Variants in TTL observed in about 807,000 individuals in gnomAD.
TTL encodes the protein tubulin--tyrosine ligase.
A neutral mutation model predicts 41.1 loss-of-function variants in TTL; 10 were observed. The observed-to-expected ratio is 0.24, with a 90% CI of 0.15 to 0.41. TTL has a LOEUF of 0.41. TTL is among the 10% of genes least tolerant of loss of function. The probability of loss-of-function intolerance (pLI) is 1.00; values close to 1 mark genes in which losing one functional copy is unlikely to be tolerated. For synonymous variants in TTL, 175 were observed against 175.5 expected, an observed-to-expected ratio of 1.00 and a Z score of 0.02; for missense variants, 367 against 460.4, an observed-to-expected ratio of 0.80 and a Z score of 1.86.
chr2:112,499,056 C>A (rs1020968758), intron 3 of TTL, among the ~76,000 whole-genome samples: 2 of 151,802 alleles, frequency 1.3e-5, no homozygotes, highest in South Asian at 2.1e-4. Context: ...CGGTGGCTCT[C>A]GGCTGAAATC....
chr2:112,509,655 G>T (rs1297775548), intron 5 of TTL, among the ~76,000 whole-genome samples: 1 of 152,182 alleles, frequency 6.6e-6, no homozygotes, highest in Non-Finnish European at 1.5e-5. Flanking sequence ...GTGAGGCAAT[G>T]CCTCGCCCTG....
In TTL at chr2:112,538,750, C is replaced by G. The variant is rs1189120565; in HGVS notation, c.*9955C>G. The G allele has an allele frequency of 6.6e-6, 1 of 151,946 alleles. No homozygotes were observed. Among genetic ancestry groups the G allele is most frequent in the African/African-American group, 2.4e-5 (1 of 41,332 alleles). 9.4% of individuals were successfully genotyped at this position (151,946 alleles called of 1,614,324 possible). A position where few individuals can be genotyped will look rare whatever the true frequency, so the allele number is the denominator to read the frequency against. On this transcript the variant is annotated 3_prime_UTR_variant, in exon 7 of 7. Transcript: ENST00000233336. ...CAGAGATCGCACAACTGCTCTCTGTCCTAGGTGACAGAGCAAGTCCTGTCT... is the reference window on the plus strand; with the variant it reads ...CAGAGATCGCACAACTGCTCTCTGTGCTAGGTGACAGAGCAAGTCCTGTCT...
chr2:112,531,893 A>C lies in TTL; in HGVS notation c.*3098A>C, dbSNP rs535869421. 3 of 222,372 alleles carry C rather than the reference A, an allele frequency of 1.3e-5. No homozygotes were observed. In the Admixed American group the frequency reaches 1.7e-4, roughly 13 times the overall value. The allele number at this position is 222,372 out of a possible 1,614,324, so 13.8% of individuals were successfully genotyped here. A position where few individuals can be genotyped will look rare whatever the true frequency, so the allele number is the denominator to read the frequency against. On this transcript the variant is annotated 3_prime_UTR_variant, in exon 7 of 7. Transcript: ENST00000233336. ...AAATGTAAACAGACACGAAATTATA[A>C]ATCTGCTAAATATGTATTAAGGGTA...
rs145725790 is a variant in TTL, at chr2:112,498,654, A to T, written c.470-2552A>T. 7.5e-3 allele frequency among the ~76,000 whole-genome samples: 1,145 copies of T among 152,280 alleles called. 14 individuals carry two copies. The highest frequency in any genetic ancestry group is 0.026 in the African/African-American group (1,079 of 41,562). ...CACGGTGGCTCACACTTGTAATCCC[A>T]GCACTTTGGGAGGCCAAGGCGGGTG... is the stretch of plus-strand genomic sequence containing the variant. On this transcript the variant is annotated intron_variant, in intron 3 of 6. Transcript: ENST00000233336.
At chr2:112,499,481 C>T (rs1681629005) in intron 3 of TTL, among the ~76,000 whole-genome samples, 1 of 152,128 alleles carries the variant, frequency 6.6e-6, no homozygotes, top group Non-Finnish European at 1.5e-5. Context: ...TGAACATCAA[C>T]ATAAGCTTCA....
intron 6 of TTL, among the ~76,000 whole-genome samples, chr2:112,527,883 A>G (rs1325188465): frequency 6.6e-6 from 1 of 152,188 alleles, no homozygotes; most frequent in Non-Finnish European, 1.5e-5. Context: ...TTTGCCCGTT[A>G]GTTGATGCAG....
At chr2:112,486,102 A>T (rs779276692) in intron 2 of TTL, 107 bp downstream of exon 2, 2 of 1,162,050 alleles carry the variant, frequency 1.7e-6, no homozygotes, top group Non-Finnish European at 2.5e-6. Flanking sequence ...AAAGCCAACA[A>T]ATATCAGTTC....
intron 5 of TTL, among the ~76,000 whole-genome samples, chr2:112,518,690 T>TC (rs1364081926): frequency 6.6e-6 from 1 of 151,232 alleles, no homozygotes; most frequent in East Asian, 1.9e-4. Flanking sequence ...TTTTTTTTTT[T>TC]TTGAGACAGA....
chr2:112,534,236 CG>C lies in TTL; in HGVS notation c.*5442del, dbSNP rs1429042087. ...TTGGGAGGCTGAGGCAGGAGAATGGCGTGAACCTAGGAGGCAGAGCTTGCAG... is the reference window on the plus strand; with the variant it reads ...TTGGGAGGCTGAGGCAGGAGAATGGCTGAACCTAGGAGGCAGAGCTTGCAG... On this transcript the variant is annotated 3_prime_UTR_variant, in exon 7 of 7. Transcript: ENST00000233336. 6.8e-6 allele frequency: 1 copy of C among 147,310 alleles called. No individual in the cohort carries two copies. Among genetic ancestry groups the C allele is most frequent in the East Asian group, 2.0e-4 (1 of 4,968 alleles). The allele number at this position is 147,310 out of a possible 1,614,324, so 9.1% of individuals were successfully genotyped here. A position where few individuals can be genotyped will look rare whatever the true frequency, so the allele number is the denominator to read the frequency against.
chr2:112,524,879 G>T (rs1239855973), intron 6 of TTL, among the ~76,000 whole-genome samples: 1 of 152,152 alleles, frequency 6.6e-6, no homozygotes, highest in Non-Finnish European at 1.5e-5. Context: ...CCTATGTCCT[G>T]AATGGTATTG....
intron 2 of TTL, among the ~76,000 whole-genome samples, chr2:112,492,942 T>C (rs1681429000): frequency 6.6e-6 from 1 of 152,154 alleles, no homozygotes; most frequent in African/African-American, 2.4e-5. Flanking sequence ...ATTCAGTTCC[T>C]GAGTCACACT....
rs976747721 is a variant in TTL at position 112,535,732 on chromosome 2, A to G, written c.*6937A>G. 2.8e-5 allele frequency: 1 copy of G among 35,324 alleles called. No homozygotes were observed. The highest frequency in any genetic ancestry group is 8.3e-5 in the African/African-American group (1 of 12,116). 2.2% of individuals were successfully genotyped at this position (35,324 alleles called of 1,614,324 possible). ...TAAATACTCCAATCAGAAGGTAGAG[A>G]TTGGCAAATTGATTTTTTTTAAAAA... On this transcript the variant is annotated 3_prime_UTR_variant, in exon 7 of 7. Coordinates refer to ENST00000233336, the MANE Select transcript of TTL (RefSeq NM_153712.5).
intron 1 of TTL, among the ~76,000 whole-genome samples, chr2:112,485,556 C>T (rs1486475373): frequency 7.9e-5 from 12 of 152,166 alleles, no homozygotes; most frequent in Admixed American, 2.6e-4. Flanking sequence ...CCTTATTGTA[C>T]AGAGTGACAA....
rs1349128140 is a variant in TTL at position 112,535,914 on chromosome 2, C to G, written c.*7119C>G. On this transcript the variant is annotated 3_prime_UTR_variant, in exon 7 of 7. Coordinates refer to ENST00000233336, the MANE Select transcript of TTL (RefSeq NM_153712.5). ...CAAACTTCTGGTTTCAAGTAATCTT[C>G]CCACCTTAGCCACCCAAGTAGCTGG... The G allele has an allele frequency of 6.6e-6, 1 of 152,170 alleles. No homozygotes were observed. The highest frequency in any genetic ancestry group is 1.9e-4 in the East Asian group (1 of 5,202). 9.4% of individuals were successfully genotyped at this position (152,170 alleles called of 1,614,324 possible).
intron 6 of TTL, among the ~76,000 whole-genome samples, chr2:112,523,342 G>A (rs1488462725): frequency 4.5e-5 from 2 of 44,278 alleles, no homozygotes; most frequent in African/African-American, 1.4e-4. Flanking sequence ...CTGTGGGTGT[G>A]TGTGTGTCTG....
intron 2 of TTL, 142 bp from the exon 3 acceptor site, chr2:112,494,001 A>C (rs1681460956): frequency 1.5e-6 from 1 of 651,352 alleles, no homozygotes. Context: ...TTGTCCAGGG[A>C]GACTAAGAGC....
intron 2 of TTL, among the ~76,000 whole-genome samples, chr2:112,491,026 CTG>C (rs1360602089): frequency 6.6e-6 from 1 of 152,106 alleles, no homozygotes; most frequent in African/African-American, 2.4e-5. Context: ...GAGTCTCACT[CTG>C]TCACCCAGGT....
rs986480759 is a variant in TTL at position 112,540,715 on chromosome 2, A to G, written c.*11920A>G. The G allele has an allele frequency of 6.6e-6, 1 of 152,252 alleles. No homozygotes were observed. The highest frequency in any genetic ancestry group is 2.4e-5 in the African/African-American group (1 of 41,464). 9.4% of individuals were successfully genotyped at this position (152,252 alleles called of 1,614,324 possible). A position where few individuals can be genotyped will look rare whatever the true frequency, so the allele number is the denominator to read the frequency against. ...TGAACTGATTTTCGACAAGGAGGCC[A>G]AGACAATTTGATGAGGGAAAGAATA... On this transcript the variant is annotated 3_prime_UTR_variant, in exon 7 of 7. Transcript: ENST00000233336.
chr2:112,500,269 G>A (rs578059199), intron 3 of TTL, among the ~76,000 whole-genome samples: 225 of 151,480 alleles, frequency 1.5e-3, no homozygotes, highest in Middle Eastern at 0.01. Context: ...TGGTGAAACC[G>A]TTCTAAAATT....
Sources: gnomAD v4.1 joint callset for allele counts (sites outside exome capture counted in the v4.1 genomes callset) on GRCh38, gnomAD v4.1.1 for gene constraint, MANE v1.5 for transcripts, NCBI Gene and HGNC (gene_info 2026-07-23, HGNC 2026-07-21) for gene names.